The following PLXNA4 variants were observed in gnomAD, a reference collection of about 807,000 sequenced individuals.
The protein encoded by PLXNA4 is plexin-A4.
Under a neutral mutation model 191.8 loss-of-function variants are expected in PLXNA4, and 44 were observed. That is an observed-to-expected ratio of 0.23 (90% CI 0.18 to 0.29). The LOEUF (loss-of-function observed/expected upper bound fraction) is 0.29. Among genes scored for constraint, PLXNA4 ranks in the 10% least tolerant of loss-of-function variants. The probability of loss-of-function intolerance (pLI) is 1.00; values close to 1 mark genes in which losing one functional copy is unlikely to be tolerated. For synonymous variants in PLXNA4, 1,082 were observed against 1,009.5 expected (o/e 1.07, Z -1.36); for missense variants, 1,800 against 2,488.8 (o/e 0.72, Z 5.89).
chr7:132,215,214 G>A (rs931927781), intron 9 of PLXNA4, among the ~76,000 whole-genome samples: 9 of 152,204 alleles, frequency 5.9e-5, no homozygotes, highest in African/African-American at 2.2e-4. Flanking sequence ...GGAGGTCCCA[G>A]TTCTGGCCAC....
intron 3 of PLXNA4, among the ~76,000 whole-genome samples, chr7:132,439,403 A>G (rs1795599672): frequency 6.6e-6 from 1 of 152,252 alleles, no homozygotes. Context: ...TTCACATTGT[A>G]CATACATGTA....
intron 2 of PLXNA4, among the ~76,000 whole-genome samples, chr7:132,623,676 C>A (rs1282801741): frequency 4.6e-5 from 7 of 152,148 alleles, no homozygotes. Context: ...TACCCCATAC[C>A]CATGTGAGTT....
chr7:132,551,660 T>C (rs760200955), intron 1 of PLXNA4, among the ~76,000 whole-genome samples: 12 of 152,106 alleles, frequency 7.9e-5, no homozygotes, highest in Non-Finnish European at 1.6e-4. Context: ...CACCCCAATA[T>C]TGCAGTGTCT....
At chr7:132,228,867 G>A (rs1242448239) in intron 5 of PLXNA4, among the ~76,000 whole-genome samples, 1 of 152,144 alleles carries the variant, frequency 6.6e-6, no homozygotes, top group Non-Finnish European at 1.5e-5. Flanking sequence ...GAACATGCCA[G>A]TTCTTCTGCT....
At chr7:132,317,486 G>T (rs1801991316) in intron 3 of PLXNA4, among the ~76,000 whole-genome samples, 1 of 152,044 alleles carries the variant, frequency 6.6e-6, no homozygotes, top group South Asian at 2.1e-4. Flanking sequence ...AATTTGATTG[G>T]ATTGGGTTGT....
At chr7:132,532,456 T>C (rs1354159277) in intron 1 of PLXNA4, among the ~76,000 whole-genome samples, 1 of 152,252 alleles carries the variant, frequency 6.6e-6, no homozygotes, top group South Asian at 2.1e-4. Flanking sequence ...TTCCTCTTTA[T>C]TCTTATGAAA....
At chr7:132,644,105 T>C (rs1180093974) in intron 2 of PLXNA4, among the ~76,000 whole-genome samples, 2 of 152,132 alleles carry the variant, frequency 1.3e-5, no homozygotes, top group Non-Finnish European at 2.9e-5. Flanking sequence ...CCAAAAGTGT[T>C]TGAAAGGCAG....
At chr7:132,226,065 A>C in intron 8 of PLXNA4, 96 bp downstream of exon 8, 2 of 1,185,358 alleles carry the variant, frequency 1.7e-6, no homozygotes, top group Non-Finnish European at 2.4e-6. Flanking sequence ...TGGGGCTTCT[A>C]AATGGTGACT....
At chr7:132,540,629 G>T (rs1442031384) in intron 1 of PLXNA4, among the ~76,000 whole-genome samples, 1 of 122,956 alleles carries the variant, frequency 8.1e-6, no homozygotes, top group African/African-American at 3.0e-5. Context: ...CGCCCAGGCC[G>T]GACTGCGGAC....
At chr7:132,166,372 TGGAAGTGAAG>T (rs1796125131) in intron 22 of PLXNA4, among the ~76,000 whole-genome samples, 1 of 148,806 alleles carries the variant, frequency 6.7e-6, no homozygotes. Flanking sequence ...TCTTTTACTT[TGGAAGTGAAG>T]ATGCAGCAGC....
intron 4 of PLXNA4, among the ~76,000 whole-genome samples, chr7:132,287,737 C>T (rs1800736544): frequency 6.6e-6 from 1 of 152,168 alleles, no homozygotes; most frequent in Admixed American, 6.5e-5. Context: ...GGGTGGTGGG[C>T]TGCTACCCTG....
Position 132,179,863 on chromosome 7 carries a change from G to A in PLXNA4, c.3698C>T (p.Pro1233Leu), listed in dbSNP as rs376544741. The A allele has an allele frequency of 2.7e-5, 43 of 1,613,042 alleles. No homozygotes were observed. The highest frequency in any genetic ancestry group is 6.7e-5 in the African/African-American group (5 of 74,922). The change falls in exon 20 of 32, where the codon CCG becomes CTG. Residue 1233 changes from proline (P) to leucine (L), a missense_variant. Coordinates refer to ENST00000321063, the MANE Select transcript of PLXNA4 (RefSeq NM_020911.2). ...PGMVYIAPDS[P>L]LSLPAIVSIA... is the part of the protein sequence containing the mutation. ...GCTGACGATGGCGGGCAGGCTGAGCGGGCTGTCCGGGGCAATGTACACCAT... is the reference window on the plus strand; with the variant it reads ...GCTGACGATGGCGGGCAGGCTGAGCAGGCTGTCCGGGGCAATGTACACCAT...
intron 14 of PLXNA4, among the ~76,000 whole-genome samples, chr7:132,190,689 A>G (rs188805212): frequency 1.3e-5 from 2 of 152,342 alleles, no homozygotes; most frequent in East Asian, 3.9e-4. Flanking sequence ...CTGCAAATGC[A>G]GAGCAGAGGC....
chr7:132,158,024 T>A (rs749307557), intron 25 of PLXNA4, among the ~76,000 whole-genome samples: 4 of 152,092 alleles, frequency 2.6e-5, no homozygotes, highest in Non-Finnish European at 4.4e-5. Context: ...CCATCACACA[T>A]TGGCTTCCTC....
chr7:132,348,300 C>T (rs1320857295), intron 3 of PLXNA4, among the ~76,000 whole-genome samples: 1 of 152,110 alleles, frequency 6.6e-6, no homozygotes. Context: ...CAATACCTAC[C>T]TCCTAGGGTT....
At chr7:132,221,906 G>A (rs13237800) in intron 9 of PLXNA4, among the ~76,000 whole-genome samples, 4 of 151,938 alleles carry the variant, frequency 2.6e-5, no homozygotes, top group African/African-American at 9.7e-5. Context: ...TGAGACAAAG[G>A]TTTTCAGCCT....
intron 4 of PLXNA4, among the ~76,000 whole-genome samples, chr7:132,276,388 A>G (rs1414081602): frequency 6.6e-6 from 1 of 152,168 alleles, no homozygotes; most frequent in African/African-American, 2.4e-5. Context: ...TCATTAGTGG[A>G]ATCACAAGCA....
chr7:132,592,066 C>T (rs1305981781), intron 2 of PLXNA4, among the ~76,000 whole-genome samples: 4 of 152,106 alleles, frequency 2.6e-5, no homozygotes, highest in Non-Finnish European at 4.4e-5. Flanking sequence ...AGAGGTGACC[C>T]GCCAGCTCAT....
intron 4 of PLXNA4, among the ~76,000 whole-genome samples, chr7:132,245,030 C>G (rs980260790): frequency 6.6e-6 from 1 of 152,112 alleles, no homozygotes; most frequent in African/African-American, 2.4e-5. Flanking sequence ...TCCCATCCCC[C>G]AACTCCAGCT....
Sources: gnomAD v4.1 joint callset for allele counts (sites outside exome capture counted in the v4.1 genomes callset) on GRCh38, gnomAD v4.1.1 for gene constraint, MANE v1.5 for transcripts, NCBI Gene and HGNC (gene_info 2026-07-23, HGNC 2026-07-21) for gene names.